The following NEGR1 variants were observed in gnomAD, a reference collection of about 807,000 sequenced individuals.
NEGR1 encodes neuronal growth regulator 1, also known as IgLON family member 4.
NEGR1 carries 10 observed loss-of-function variants against 40.9 expected under a neutral mutation model. The ratio of observed to expected loss-of-function variants is 0.24; its 90% CI spans 0.15 to 0.42. The LOEUF (loss-of-function observed/expected upper bound fraction) is 0.42. Ranked by LOEUF, NEGR1 falls within the 10% of genes least tolerant of loss-of-function variation. The probability of loss-of-function intolerance (pLI) is 1.00; values close to 1 mark genes in which losing one functional copy is unlikely to be tolerated. For missense variants in NEGR1, 352 were observed against 438.9 expected (o/e 0.80, Z 1.77); for synonymous variants, 185 against 166.8 (o/e 1.11, Z -0.84).
chr1:71,680,390 T>C (rs960528549), intron 4 of NEGR1, among the ~76,000 whole-genome samples: 1 of 152,110 alleles, frequency 6.6e-6, no homozygotes, highest in Non-Finnish European at 1.5e-5. Flanking sequence ...TTTCCCAATT[T>C]ATTGATTGTT....
chr1:71,773,346 T>G, intron 3 of NEGR1, among the ~76,000 whole-genome samples: 1 of 152,340 alleles, frequency 6.6e-6, no homozygotes. Flanking sequence ...TTTTATTTAC[T>G]TATTTATTTT....
At chr1:71,854,758 TA>T (rs1659710441) in intron 2 of NEGR1, among the ~76,000 whole-genome samples, 1 of 152,010 alleles carries the variant, frequency 6.6e-6, no homozygotes, top group Non-Finnish European at 1.5e-5. Flanking sequence ...AAGTCCCTTA[TA>T]AAACCATTAG....
intron 2 of NEGR1, among the ~76,000 whole-genome samples, chr1:71,787,313 A>G (rs1656947973): frequency 6.6e-6 from 1 of 152,348 alleles, no homozygotes; most frequent in South Asian, 2.1e-4. Context: ...TAAAGCCTCC[A>G]GAAATAGATG....
chr1:72,244,996 C>G (rs1654859709), intron 1 of NEGR1, among the ~76,000 whole-genome samples: 1 of 151,890 alleles, frequency 6.6e-6, no homozygotes, highest in South Asian at 2.1e-4. Flanking sequence ...AAACATAGCA[C>G]TAGTTAGACC....
chr1:71,476,338 T>C (rs914184184), intron 6 of NEGR1, among the ~76,000 whole-genome samples: 4 of 152,100 alleles, frequency 2.6e-5, no homozygotes, highest in African/African-American at 9.7e-5. Flanking sequence ...TTAAAATCAA[T>C]AAAATAAGCA....
chr1:72,127,317 A>G (rs1650060108), intron 1 of NEGR1, among the ~76,000 whole-genome samples: 1 of 151,786 alleles, frequency 6.6e-6, no homozygotes, highest in Admixed American at 6.6e-5. Flanking sequence ...ACAAAAAATT[A>G]GCCAGGGGTG....
At chr1:71,811,793 G>A (rs1319094823) in intron 2 of NEGR1, among the ~76,000 whole-genome samples, 1 of 151,002 alleles carries the variant, frequency 6.6e-6, no homozygotes, top group Non-Finnish European at 1.5e-5. Context: ...ATAAATTAAT[G>A]AAAGAAAATA....
At chr1:72,174,322 C>T (rs1570079962) in intron 1 of NEGR1, among the ~76,000 whole-genome samples, 1 of 152,088 alleles carries the variant, frequency 6.6e-6, no homozygotes, top group East Asian at 1.9e-4. Flanking sequence ...AATGAATGAA[C>T]CTACATTGAC....
At chr1:72,092,414 A>T (rs1459110188) in intron 1 of NEGR1, among the ~76,000 whole-genome samples, 3 of 152,044 alleles carry the variant, frequency 2.0e-5, no homozygotes, top group African/African-American at 7.2e-5. Context: ...TTTGGGGAAA[A>T]TTTCTAGCTG....
intron 1 of NEGR1, among the ~76,000 whole-genome samples, chr1:72,234,553 T>C (rs1166946965): frequency 6.6e-6 from 1 of 151,900 alleles, no homozygotes; most frequent in African/African-American, 2.4e-5. Context: ...TAATATCCAG[T>C]ATCTATAAGG....
At chr1:71,578,300 C>G (rs1470787246) in intron 6 of NEGR1, among the ~76,000 whole-genome samples, 1 of 152,102 alleles carries the variant, frequency 6.6e-6, no homozygotes, top group Non-Finnish European at 1.5e-5. Context: ...CAAAAAACAA[C>G]TAACATGCAA....
chr1:71,627,414 T>C (rs1650822701), intron 4 of NEGR1, among the ~76,000 whole-genome samples: 1 of 152,026 alleles, frequency 6.6e-6, no homozygotes, highest in East Asian at 1.9e-4. Context: ...AAAATTCAAG[T>C]AGCATTTGTC....
chr1:72,053,027 C>T (rs1647076464), intron 1 of NEGR1, among the ~76,000 whole-genome samples: 1 of 151,320 alleles, frequency 6.6e-6, no homozygotes, highest in South Asian at 2.1e-4. Context: ...TATATTAATG[C>T]TTATCAAGTT....
chr1:71,489,842 G>A (rs1646914220), intron 6 of NEGR1: 1 of 151,864 alleles, frequency 6.6e-6, no homozygotes, highest in African/African-American at 2.4e-5. Flanking sequence ...CCTTTGTAAA[G>A]GAGGAGGATT....
intron 6 of NEGR1, among the ~76,000 whole-genome samples, chr1:71,484,260 T>G (rs953779039): frequency 6.6e-6 from 1 of 151,646 alleles, no homozygotes; most frequent in Non-Finnish European, 1.5e-5. Flanking sequence ...GATGTTAACC[T>G]CTGGTATGAT....
At chr1:71,912,874 T>C (rs574925112) in intron 2 of NEGR1, among the ~76,000 whole-genome samples, 1 of 152,250 alleles carries the variant, frequency 6.6e-6, no homozygotes, top group African/African-American at 2.4e-5. Context: ...AATTTCCTAT[T>C]TGAACATTTT....
chr1:71,736,032 C>A (rs1423381042), intron 3 of NEGR1, among the ~76,000 whole-genome samples: 1 of 152,020 alleles, frequency 6.6e-6, no homozygotes, highest in African/African-American at 2.4e-5. Flanking sequence ...ACTTCACAAC[C>A]TCCCTAGATT....
intron 5 of NEGR1, among the ~76,000 whole-genome samples, chr1:71,607,073 C>A (rs1409345329): frequency 6.6e-6 from 1 of 151,976 alleles, no homozygotes; most frequent in Non-Finnish European, 1.5e-5. Flanking sequence ...TTTATGTGAG[C>A]CTCAAATCAA....
chr1:71,999,582 A>T (rs1258910713), intron 1 of NEGR1, among the ~76,000 whole-genome samples: 2 of 138,930 alleles, frequency 1.4e-5, no homozygotes, highest in South Asian at 2.2e-4. Flanking sequence ...GATACTGTAC[A>T]TTCCTTCTCA....
Sources: allele counts gnomAD v4.1 joint callset (sites outside exome capture counted in the v4.1 genomes callset), GRCh38; gene constraint gnomAD v4.1.1; transcripts MANE v1.5; gene names NCBI Gene and HGNC (gene_info 2026-07-23, HGNC 2026-07-21).